CACNG2: variants seen among roughly 807,000 people sequenced by gnomAD.
CACNG2 encodes voltage-dependent calcium channel gamma-2 subunit.
CACNG2 carries 3 observed loss-of-function variants against 25.9 expected under a neutral mutation model. The ratio of observed to expected loss-of-function variants is 0.12; its 90% CI spans 0.05 to 0.30. CACNG2 has a LOEUF of 0.30. Ranked by LOEUF, CACNG2 falls within the 10% of genes least tolerant of loss-of-function variation. CACNG2 has a pLI of 1.00. For missense variants in CACNG2, 341 were observed against 432.5 expected (o/e 0.79, Z 1.88); for synonymous variants, 167 against 173.3 (o/e 0.96, Z 0.29).
intron 1 of CACNG2, among the ~76,000 whole-genome samples, chr22:36,687,557 C>A (rs1937216821): frequency 6.6e-6 from 1 of 152,206 alleles, no homozygotes; most frequent in African/African-American, 2.4e-5. Context: ...TTTGGGTAGA[C>A]ATTCCCTGTG....
intron 1 of CACNG2, among the ~76,000 whole-genome samples, chr22:36,618,907 G>A (rs898803429): frequency 1.4e-5 from 1 of 73,212 alleles, no homozygotes; most frequent in Non-Finnish European, 3.2e-5. Flanking sequence ...GCGACAGAGC[G>A]AGACTGTTTC....
intron 1 of CACNG2, among the ~76,000 whole-genome samples, chr22:36,655,900 C>T (rs1168525246): frequency 5.3e-5 from 8 of 150,898 alleles, no homozygotes; most frequent in African/African-American, 2.0e-4. Flanking sequence ...CTCCACCACC[C>T]GGGTTCAAGC....
chr22:36,570,813 C>T (rs548194536), intron 2 of CACNG2, among the ~76,000 whole-genome samples: 6 of 150,764 alleles, frequency 4.0e-5, no homozygotes, highest in Admixed American at 4.0e-4. Flanking sequence ...CAAATAGCAC[C>T]ATGCTTAGGC....
At chr22:36,680,818 T>C (rs1293468768) in intron 1 of CACNG2, among the ~76,000 whole-genome samples, 1 of 146,446 alleles carries the variant, frequency 6.8e-6, no homozygotes, top group African/African-American at 2.5e-5. Flanking sequence ...ACCACCTTCA[T>C]GATTACTGCC....
chr22:36,641,420 G>A (rs1936441005), intron 1 of CACNG2, among the ~76,000 whole-genome samples: 1 of 152,184 alleles, frequency 6.6e-6, no homozygotes. Flanking sequence ...CTGGCCCATG[G>A]TAGGTATTTG....
At chr22:36,590,137 C>A (rs1176215592) in intron 1 of CACNG2, among the ~76,000 whole-genome samples, 2 of 152,306 alleles carry the variant, frequency 1.3e-5, no homozygotes, top group African/African-American at 2.4e-5. Context: ...CCCGCAGGAA[C>A]AGGAGCTCAC....
At chr22:36,616,493 T>G (rs574683375) in intron 1 of CACNG2, among the ~76,000 whole-genome samples, 3 of 152,356 alleles carry the variant, frequency 2.0e-5, no homozygotes, top group Admixed American at 2.0e-4. Context: ...CCCATTCACC[T>G]GTCTCCCCAG....
intron 1 of CACNG2, among the ~76,000 whole-genome samples, chr22:36,655,736 C>CTCTTCCTT (rs752877235): frequency 0.036 from 5,140 of 141,760 alleles, 361 homozygotes; most frequent in African/African-American, 0.14. Context: ...TTCTTTCTTT[C>CTCTTCCTT]TCTTCCTTTC....
intron 1 of CACNG2, among the ~76,000 whole-genome samples, chr22:36,674,843 T>A (rs931513307): frequency 6.6e-6 from 1 of 152,220 alleles, no homozygotes; most frequent in Non-Finnish European, 1.5e-5. Flanking sequence ...TAATTGGCCG[T>A]GTCCTTGAGT....
intron 1 of CACNG2, among the ~76,000 whole-genome samples, chr22:36,661,112 G>A (rs932104794): frequency 5.3e-5 from 8 of 152,100 alleles, no homozygotes; most frequent in African/African-American, 9.7e-5. Flanking sequence ...CTCCGTGCTC[G>A]GACCCTCCCA....
At chr22:36,587,697 G>A in intron 1 of CACNG2, 149 bp from the exon 2 acceptor site, 1 of 732,044 alleles carries the variant, frequency 1.4e-6, no homozygotes, top group Non-Finnish European at 2.5e-6. Context: ...TGTCCGTTTG[G>A]ACATCTGCCT....
rs745826276 is a variant in CACNG2 at position 36,622,686 on chromosome 22, C to T, written c.212-35138G>A. ...TAAAACGTAAGACAAGGGCTGGGCG[C>T]GGTGGCTCACGCCTGTAATCCCAGC... On this transcript the variant is annotated intron_variant, in intron 1 of 3. Transcript: ENST00000300105. 2.0e-5 allele frequency among the ~76,000 whole-genome samples: 3 copies of T among 152,080 alleles called. No homozygotes were observed. In the South Asian group the frequency reaches 6.2e-4, roughly 32 times the overall value.
intron 1 of CACNG2, among the ~76,000 whole-genome samples, chr22:36,663,190 G>A (rs117288163): frequency 0.02 from 3,057 of 152,264 alleles, 56 homozygotes; most frequent in Non-Finnish European, 0.031. Context: ...GCCTGGTCCG[G>A]TGCCTGGCAT....
rs568188024 is a variant in CACNG2 at position 36,631,081 on chromosome 22, G to A, written c.212-43533C>T. ...CCTGACCTCGTGATCCACCCGCCTC[G>A]GCCTCCCAAAGTGCTTGGATTACAG... On this transcript the variant is annotated intron_variant, in intron 1 of 3. Transcript: ENST00000300105. 1.5e-3 allele frequency among the ~76,000 whole-genome samples: 226 copies of A among 152,140 alleles called. 2 individuals carry two copies. The highest frequency in any genetic ancestry group is 5.1e-3 in the African/African-American group (212 of 41,518).
At chr22:36,614,807 G>A (rs11913713) in intron 1 of CACNG2, among the ~76,000 whole-genome samples, 8,428 of 152,246 alleles carry the variant, frequency 0.055, 792 homozygotes, top group African/African-American at 0.19. Flanking sequence ...GGTTTGCAAC[G>A]ATCCATTTGC....
chr22:36,689,427 G>A (rs28544518), intron 1 of CACNG2, among the ~76,000 whole-genome samples: 9,015 of 152,280 alleles, frequency 0.059, 357 homozygotes, highest in Middle Eastern at 0.086. Flanking sequence ...GAGAGACTGG[G>A]AAGAGGAAGG....
intron 3 of CACNG2, among the ~76,000 whole-genome samples, chr22:36,565,896 G>A (rs565862118): frequency 6.6e-6 from 1 of 152,358 alleles, no homozygotes; most frequent in South Asian, 2.1e-4. Context: ...CAGACATCTG[G>A]ATGTGGGTGC....
At position 36,562,266 on chromosome 22, in the gene CACNG2, T is replaced by G. The variant is rs1479943906; in HGVS notation, c.*2085A>C. ...CCTGGGGGCTTGGTGGCAGCTGTCCTGGTCATCCCTGGCATATCCTCGGGG... is the reference window on the plus strand; with the variant it reads ...CCTGGGGGCTTGGTGGCAGCTGTCCGGGTCATCCCTGGCATATCCTCGGGG... On this transcript the variant is annotated 3_prime_UTR_variant, in exon 4 of 4. Transcript: ENST00000300105. 2 of 152,628 alleles carry G rather than the reference T, an allele frequency of 1.3e-5. No homozygotes were observed. The highest frequency in any genetic ancestry group is 4.9e-5 in the African/African-American group (2 of 41,226). 9.5% of individuals were successfully genotyped at this position (152,628 alleles called of 1,614,324 possible).
At chr22:36,622,706 C>G (rs909619816) in intron 1 of CACNG2, among the ~76,000 whole-genome samples, 4 of 152,118 alleles carry the variant, frequency 2.6e-5, no homozygotes, top group Non-Finnish European at 5.9e-5. Flanking sequence ...CGCCTGTAAT[C>G]CCAGCACTTT....
Sources: allele counts gnomAD v4.1 joint callset (sites outside exome capture counted in the v4.1 genomes callset), GRCh38; gene constraint gnomAD v4.1.1; transcripts MANE v1.5; gene names NCBI Gene and HGNC (gene_info 2026-07-23, HGNC 2026-07-21).